The following VTCN1 variants were observed in gnomAD, a reference collection of about 807,000 sequenced individuals.
VTCN1 encodes the protein V-set domain containing T cell activation inhibitor 1, also known as V-set domain-containing T-cell activation inhibitor 1.
VTCN1 carries 26 observed loss-of-function variants against 26.5 expected under a neutral mutation model. That is an observed-to-expected ratio of 0.98 (90% CI 0.72 to 1.36). The LOEUF (loss-of-function observed/expected upper bound fraction) is 1.36, where lower values mean the gene tolerates loss of function less well. Ranked by LOEUF, VTCN1 falls within the 40% of genes most tolerant of loss-of-function variation. The pLI is 0.00. For synonymous variants in VTCN1, 116 were observed against 130.7 expected, an observed-to-expected ratio of 0.89 and a Z score of 0.77; for missense variants, 298 against 337.7, an observed-to-expected ratio of 0.88 and a Z score of 0.92.
rs894553011 is a variant in VTCN1 at position 117,172,292 on chromosome 1, G to A, written c.33-2121C>T. 3.0e-4 allele frequency: 152 copies of A among 511,608 alleles called. 1 individual carries two copies. The highest frequency in any genetic ancestry group is 2.8e-3 in the Admixed American group (141 of 50,968). The allele number at this position is 511,608 out of a possible 1,614,324, so 31.7% of individuals were successfully genotyped here. ...AGACAGAAACAACAGTTCCCCTGCC[G>A]GCCAAGCCCTCATAAGGTGCAGCCA... On this transcript the variant is annotated intron_variant, in intron 1 of 5. Transcript: ENST00000369458.
At chr1:117,180,390 G>C (rs1199366169) in intron 1 of VTCN1, among the ~76,000 whole-genome samples, 3 of 152,144 alleles carry the variant, frequency 2.0e-5, no homozygotes, top group African/African-American at 7.2e-5. Context: ...GCAATGTAAG[G>C]TTGATTACCA....
In VTCN1 at chr1:117,146,574, A is replaced by T. The variant is rs1238606387; in HGVS notation, c.*45+1039T>A. Among the ~76,000 whole-genome samples, 1 of 152,182 alleles carries T rather than the reference A, an allele frequency of 6.6e-6. No homozygotes were observed. The highest frequency in any genetic ancestry group is 1.5e-5 in the Non-Finnish European group (1 of 68,026). Reference sequence around the variant, plus strand: ...AGCATTTTCCTAAAATGGATAAAGGAAGTAGTGGGTATAAATTGCCACAGA... The same window carrying T: ...AGCATTTTCCTAAAATGGATAAAGGTAGTAGTGGGTATAAATTGCCACAGA... On this transcript the variant is annotated intron_variant, in intron 5 of 5. Transcript: ENST00000369458. The surrounding 1 kb of genome is among the most constrained non-coding windows in gnomAD (Gnocchi z 4.2).
chr1:117,205,589 G>A (rs1336228818), intron 1 of VTCN1, among the ~76,000 whole-genome samples: 2 of 152,156 alleles, frequency 1.3e-5, no homozygotes, highest in African/African-American at 2.4e-5. Context: ...AGCTCTTCCC[G>A]TGGCCAGCTA....
At chr1:117,177,594 G>T (rs1199253742) in intron 1 of VTCN1, among the ~76,000 whole-genome samples, 1 of 152,148 alleles carries the variant, frequency 6.6e-6, no homozygotes, top group African/African-American at 2.4e-5. Context: ...TTGTATTTGG[G>T]AAAGGAATTT....
chr1:117,201,791 C>G lies in VTCN1; in HGVS notation c.32+9033G>C, dbSNP rs148694636. Among the ~76,000 whole-genome samples, 1,397 of 152,324 alleles carry G rather than the reference C, an allele frequency of 9.2e-3. 8 individuals are homozygous for G. Among genetic ancestry groups the G allele is most frequent in the Middle Eastern group, 0.017 (5 of 294 alleles). ...TGGCCTAAGGCCAATAAAATGACAC[C>G]ATGACTTTCCCATCAAATCTGGCTG... On this transcript the variant is annotated intron_variant, in intron 1 of 5. Transcript: ENST00000369458.
chr1:117,153,528 C>G (rs563765081), intron 3 of VTCN1, among the ~76,000 whole-genome samples, 159 bp from the exon 4 acceptor site: 2 of 151,110 alleles, frequency 1.3e-5, no homozygotes, highest in South Asian at 4.2e-4. Context: ...CTGTGTATAG[C>G]CCATTGTATT....
intron 2 of VTCN1, 32 bp from the exon 3 acceptor site, chr1:117,156,953 G>A (rs1652112908): frequency 6.8e-6 from 11 of 1,613,264 alleles, no homozygotes; most frequent in Non-Finnish European, 9.3e-6. Context: ...TCAATGCTAA[G>A]GGAAGCCTTG....
chr1:117,169,998 G>A lies in VTCN1; in HGVS notation c.97+109C>T, dbSNP rs904712440. On this transcript the variant is annotated intron_variant, in intron 2 of 5. Coordinates refer to ENST00000369458, the MANE Select transcript of VTCN1 (RefSeq NM_024626.4). The surrounding 1 kb of genome is among the most constrained non-coding windows in gnomAD (Gnocchi z 4.0). ...AGTAGAAGAATGAATGCTATACTCT[G>A]AGGTTTTCTGGGTCAAAGCTCTGGG... 2.5e-5 allele frequency: 25 copies of A among 1,016,268 alleles called. No homozygotes were observed. Among genetic ancestry groups the A allele is most frequent in the Non-Finnish European group, 3.7e-5 (24 of 650,280 alleles). 63.0% of individuals were successfully genotyped at this position (1,016,268 alleles called of 1,614,324 possible). A position where few individuals can be genotyped will look rare whatever the true frequency, so the allele number is the denominator to read the frequency against.
rs950829654 is a variant in VTCN1 at position 117,183,339 on chromosome 1, A to G, written c.33-13168T>C. Among the ~76,000 whole-genome samples the G allele has an allele frequency of 1.3e-5, 2 of 152,234 alleles. No individual in the cohort carries two copies. Among genetic ancestry groups the G allele is most frequent in the African/African-American group, 4.8e-5 (2 of 41,462 alleles). On this transcript the variant is annotated intron_variant, in intron 1 of 5. Transcript: ENST00000369458. This position sits in a 1 kb window ranked among gnomAD's most constrained non-coding sequence, Gnocchi z 4.1. Reference sequence around the variant, plus strand: ...CTGCTTCCCTTGGAGCGTCTAGCACATAGTCTTTAAAATATGTTGAATTAA... The same window carrying G: ...CTGCTTCCCTTGGAGCGTCTAGCACGTAGTCTTTAAAATATGTTGAATTAA...
chr1:117,164,381 G>A (rs922831533), intron 2 of VTCN1, among the ~76,000 whole-genome samples: 3 of 151,978 alleles, frequency 2.0e-5, no homozygotes, highest in Non-Finnish European at 4.4e-5. Context: ...GGGGCGATAC[G>A]GGACACATGT....
intron 1 of VTCN1, among the ~76,000 whole-genome samples, chr1:117,185,496 C>T (rs1414268972): frequency 6.6e-6 from 1 of 152,122 alleles, no homozygotes; most frequent in African/African-American, 2.4e-5. Flanking sequence ...ATGGACCCCT[C>T]CTCTTGGCCA....
At chr1:117,197,585 A>G (rs867396315) in intron 1 of VTCN1, among the ~76,000 whole-genome samples, 3 of 152,170 alleles carry the variant, frequency 2.0e-5, no homozygotes, top group Non-Finnish European at 2.9e-5. Flanking sequence ...CAAGTAACCA[A>G]TGGAAACCTC....
intron 1 of VTCN1, among the ~76,000 whole-genome samples, chr1:117,201,024 G>GC (rs955616714): frequency 6.6e-6 from 1 of 152,060 alleles, no homozygotes; most frequent in African/African-American, 2.4e-5. Context: ...GAAGTGATCT[G>GC]CCCCCCTTGG....
At chr1:117,172,639 G>GT (rs1553210198) in intron 1 of VTCN1, among the ~76,000 whole-genome samples, 3 of 151,574 alleles carry the variant, frequency 2.0e-5, no homozygotes, top group African/African-American at 4.9e-5. Context: ...GGCTGCATGT[G>GT]TCCCCCCCCA....
intron 1 of VTCN1, among the ~76,000 whole-genome samples, chr1:117,207,625 T>A (rs1649126879): frequency 6.6e-6 from 1 of 152,158 alleles, no homozygotes; most frequent in Admixed American, 6.5e-5. Flanking sequence ...TTTAGCCTCA[T>A]GCCCTCTGCT....
chr1:117,146,588 A>G lies in VTCN1; in HGVS notation c.*45+1025T>C, dbSNP rs1651520255. ...ATGGATAAAGGAAGTAGTGGGTATA[A>G]ATTGCCACAGAGTAGAGAAGATTTC... On this transcript the variant is annotated intron_variant, in intron 5 of 5. Transcript: ENST00000369458. The surrounding 1 kb of genome is among the most constrained non-coding windows in gnomAD (Gnocchi z 4.2). 6.6e-6 allele frequency among the ~76,000 whole-genome samples: 1 copy of G among 152,190 alleles called. No individual in the cohort carries two copies. Among genetic ancestry groups the G allele is most frequent in the Non-Finnish European group, 1.5e-5 (1 of 68,024 alleles).
intron 1 of VTCN1, among the ~76,000 whole-genome samples, chr1:117,178,916 T>A (rs1647526235): frequency 6.6e-6 from 1 of 152,066 alleles, no homozygotes; most frequent in Non-Finnish European, 1.5e-5. Context: ...AGTGAGCACG[T>A]GGGCCCTGTG....
chr1:117,172,305 T>C, intron 1 of VTCN1: 1 of 516,886 alleles, frequency 1.9e-6, no homozygotes, highest in South Asian at 1.4e-5. Flanking sequence ...CAAGCCCTCA[T>C]AAGGTGCAGC....
intron 1 of VTCN1, among the ~76,000 whole-genome samples, chr1:117,189,297 C>T (rs1648120561): frequency 6.6e-6 from 1 of 152,156 alleles, no homozygotes; most frequent in Non-Finnish European, 1.5e-5. Context: ...ATCCTCTGCC[C>T]TTTCTCTCAT....
Sources: gnomAD v4.1 joint callset for allele counts (sites outside exome capture counted in the v4.1 genomes callset) on GRCh38, gnomAD v4.1.1 for gene constraint, Gnocchi (gnomAD v3.1) non-coding constraint, MANE v1.5 for transcripts, NCBI Gene and HGNC (gene_info 2026-07-23, HGNC 2026-07-21) for gene names.